The following CENPM variants were observed in gnomAD, a reference collection of about 807,000 sequenced individuals.
CENPM encodes the protein centromere protein M.
Under a neutral mutation model 19.6 loss-of-function variants are expected in CENPM, and 14 were observed. The observed-to-expected ratio is 0.71, with a 90% CI of 0.47 to 1.11. The LOEUF is 1.11. CENPM is among the 50% of genes most tolerant of loss of function. The pLI is 0.00. For missense variants in CENPM, 239 were observed against 228.4 expected (o/e 1.05, Z -0.30); for synonymous variants, 114 against 101.5 (o/e 1.12, Z -0.74).
intron 1 of CENPM, 98 bp downstream of exon 1, chr22:41,946,922 G>A: frequency 8.0e-7 from 1 of 1,245,824 alleles, no homozygotes; most frequent in Non-Finnish European, 1.2e-6. Context: ...ACGGTAGCGC[G>A]CGCTGGCTTG....
downstream of CENPM, among the ~76,000 whole-genome samples, chr22:41,934,272 G>A (rs993239238): frequency 2.6e-5 from 4 of 152,198 alleles, no homozygotes; most frequent in African/African-American, 9.7e-5. Flanking sequence ...CTCGGGCCTG[G>A]ACCACTGGCC....
In CENPM at chr22:41,943,649, G is replaced by GGCCAGCTTCACCACGGTGTGC. The variant is rs750729839; in HGVS notation, c.342_362dup (p.Val117_Thr123dup). The GGCCAGCTTCACCACGGTGTGC allele has an allele frequency of 2.5e-6, 4 of 1,613,810 alleles. No homozygotes were observed. ...AGAGCAGGGGGCTTTGATAGGTGTG[G>GGCCAGCTTCACCACGGTGTGC]GCCAGCTTCACCACGGTGTGCCGGT... On this transcript the variant is annotated inframe_insertion, in exon 5 of 6. Coordinates refer to ENST00000215980, the MANE Select transcript of CENPM (RefSeq NM_024053.5).
At chr22:41,944,537 C>T in intron 4 of CENPM, 2 of 514,586 alleles carry the variant, frequency 3.9e-6, no homozygotes, top group Non-Finnish European at 5.0e-6. Context: ...GGCAACTTAA[C>T]CTCATGACTG....
chr22:41,932,242 T>C, the CENPM span, among the ~76,000 whole-genome samples: 630 of 152,290 alleles, frequency 4.1e-3, 4 homozygotes, highest in African/African-American at 0.014. This position sits in a 1 kb window ranked among gnomAD's most constrained non-coding sequence, Gnocchi z 4.3. Context: ...TTCTCCTGTA[T>C]TTAAAAGCCC....
chr22:41,937,287 G>T (rs1352272955), downstream of CENPM, among the ~76,000 whole-genome samples: 1 of 152,196 alleles, frequency 6.6e-6, no homozygotes, highest in Non-Finnish European at 1.5e-5. Context: ...ACCAGTTTTT[G>T]AACTCCGCTG....
chr22:41,944,970 A>G (rs2077781812), intron 4 of CENPM: 2 of 1,338,630 alleles, frequency 1.5e-6, no homozygotes, highest in East Asian at 5.9e-5. Context: ...GTACATGTGC[A>G]GATTTGTTAT....
At chr22:41,927,215 C>G in the CENPM span, among the ~76,000 whole-genome samples, 1 of 152,192 alleles carries the variant, frequency 6.6e-6, no homozygotes, top group African/African-American at 2.4e-5. Flanking sequence ...CCACCGCACC[C>G]GGCCTGGCCT....
the CENPM span, among the ~76,000 whole-genome samples, chr22:41,928,955 C>T: frequency 1.3e-5 from 2 of 152,084 alleles, no homozygotes; most frequent in Admixed American, 1.3e-4. This position sits in a 1 kb window ranked among gnomAD's most constrained non-coding sequence, Gnocchi z 4.0. Context: ...ACAAAGAACC[C>T]CAGTCAGCCA....
the CENPM span, among the ~76,000 whole-genome samples, chr22:41,932,333 G>T: frequency 2.0e-5 from 3 of 152,226 alleles, no homozygotes; most frequent in Non-Finnish European, 4.4e-5. The surrounding 1 kb of genome is among the most constrained non-coding windows in gnomAD (Gnocchi z 4.3). Context: ...TCGGTTCATT[G>T]GGAGAGGGCA....
Position 41,945,260 on chromosome 22 carries a change from A to G in CENPM, c.275T>C (p.Phe92Ser). The part of the protein sequence containing the change: ...EESLRHVDAS[F>S]FLGKVCFLAT... ...GAGGAAACACACCTTCCCCAAGAAG[A>G]AGCTGGCATCCACATGGCGCAGGGA... is the stretch of plus-strand genomic sequence containing the variant. Residue 92 changes from phenylalanine to serine, a missense_variant, in exon 4 of 6, where the codon TTC becomes TCC. Coordinates refer to ENST00000215980, the MANE Select transcript of CENPM (RefSeq NM_024053.5). 1 of 1,613,972 alleles carries G rather than the reference A, an allele frequency of 6.2e-7. No individual in the cohort carries two copies. Among genetic ancestry groups the G allele is most frequent in the Middle Eastern group, 1.6e-4 (1 of 6,062 alleles).
At chr22:41,929,393 G>T in the CENPM span, among the ~76,000 whole-genome samples, 792 of 152,324 alleles carry the variant, frequency 5.2e-3, 9 homozygotes, top group African/African-American at 0.018. Context: ...GGGAACCCAG[G>T]AACGGGGAAC....
At chr22:41,939,848 G>GAAAAAGAA (rs375532561) in intron 5 of CENPM, among the ~76,000 whole-genome samples, 1 of 2,534 alleles carries the variant, frequency 3.9e-4, no homozygotes, top group African/African-American at 1.0e-3. Context: ...GAAAAAGAAA[G>GAAAAAGAA]AAAGAAAGAA....
the CENPM span, chr22:41,928,203 AG>A: frequency 2.5e-6 from 1 of 407,542 alleles, no homozygotes. This position sits in a 1 kb window ranked among gnomAD's most constrained non-coding sequence, Gnocchi z 4.0. Context: ...ACTGCAGTGG[AG>A]GGAAGCCCGC....
At chr22:41,931,452 C>A in the CENPM span, among the ~76,000 whole-genome samples, 1 of 151,616 alleles carries the variant, frequency 6.6e-6, no homozygotes, top group Non-Finnish European at 1.5e-5. Flanking sequence ...TGCACTCCAG[C>A]CTGGCTGACA....
chr22:41,931,351 C>T, the CENPM span, among the ~76,000 whole-genome samples: 1 of 151,246 alleles, frequency 6.6e-6, no homozygotes, highest in African/African-American at 2.4e-5. Context: ...TCGTAGCTGG[C>T]GCCTGTAATC....
chr22:41,935,874 CT>C (rs763615752), downstream of CENPM, among the ~76,000 whole-genome samples: 267 of 140,404 alleles, frequency 1.9e-3, no homozygotes, highest in Middle Eastern at 3.7e-3. Context: ...ATGCCCAAAT[CT>C]TTTTTTTTTT....
intron 1 of CENPM, 67 bp from the exon 2 acceptor site, chr22:41,946,563 T>C: frequency 7.5e-7 from 1 of 1,339,916 alleles, no homozygotes; most frequent in Non-Finnish European, 1.1e-6. Flanking sequence ...GGCCTGGCCC[T>C]TCGACCCACT....
At chr22:41,933,685 G>A in the CENPM span, among the ~76,000 whole-genome samples, 1 of 152,180 alleles carries the variant, frequency 6.6e-6, no homozygotes, top group African/African-American at 2.4e-5. Context: ...CAGCCCCCAA[G>A]TGTGAGACAT....
chr22:41,943,869 A>G (rs1156838208), intron 4 of CENPM, among the ~76,000 whole-genome samples, 168 bp from the exon 5 acceptor site: 1 of 152,204 alleles, frequency 6.6e-6, no homozygotes, highest in Admixed American at 6.5e-5. Context: ...AAGAATATCA[A>G]ATTAGACAAT....
Sources: allele counts gnomAD v4.1 joint callset (sites outside exome capture counted in the v4.1 genomes callset), GRCh38; gene constraint gnomAD v4.1.1; non-coding constraint Gnocchi (gnomAD v3.1); transcripts MANE v1.5; gene names NCBI Gene and HGNC (gene_info 2026-07-23, HGNC 2026-07-21).